MYO3B: variants seen among roughly 807,000 people sequenced by gnomAD.
The protein encoded by MYO3B is myosin-IIIb.
MYO3B carries 156 observed loss-of-function variants against 174.6 expected under a neutral mutation model. The ratio of observed to expected loss-of-function variants is 0.89; its 90% CI spans 0.78 to 1.02. MYO3B has a LOEUF of 1.02. Among genes scored for constraint, MYO3B ranks in the 50% least tolerant of loss-of-function variants. The pLI is 0.00. For synonymous variants in MYO3B, 563 were observed against 569.1 expected (o/e 0.99, Z 0.15); for missense variants, 1,632 against 1,639.4 (o/e 1.00, Z 0.08).
At chr2:170,507,291 C>T (rs1687673746) in intron 28 of MYO3B, among the ~76,000 whole-genome samples, 1 of 152,196 alleles carries the variant, frequency 6.6e-6, no homozygotes, top group Non-Finnish European at 1.5e-5. Context: ...TAACACAAGA[C>T]AGGATGCCCT....
chr2:170,506,821 T>G (rs1198381645), intron 28 of MYO3B, among the ~76,000 whole-genome samples: 3 of 152,202 alleles, frequency 2.0e-5, no homozygotes, highest in African/African-American at 7.2e-5. Context: ...ATAAGTAGAT[T>G]GTTGATCCCA....
chr2:170,340,761 T>G (rs942064318), intron 8 of MYO3B: 3 of 152,176 alleles, frequency 2.0e-5, no homozygotes, highest in African/African-American at 7.2e-5. Context: ...GCAGGTCACC[T>G]GTCACATGAG....
chr2:170,496,251 G>A (rs1184355949), intron 25 of MYO3B, among the ~76,000 whole-genome samples: 1 of 152,180 alleles, frequency 6.6e-6, no homozygotes, highest in Non-Finnish European at 1.5e-5. Context: ...TAATTCTGTA[G>A]CAGGAAGATA....
intron 32 of MYO3B, among the ~76,000 whole-genome samples, chr2:170,619,130 C>G (rs538739615): frequency 6.6e-6 from 1 of 152,198 alleles, no homozygotes. Flanking sequence ...GAGGGCGTTT[C>G]TAGCCCTATC....
chr2:170,502,233 C>T (rs1224729856), intron 28 of MYO3B, among the ~76,000 whole-genome samples: 2 of 152,204 alleles, frequency 1.3e-5, no homozygotes, highest in African/African-American at 4.8e-5. Flanking sequence ...GCATCGCATA[C>T]TGCCACCTGA....
At chr2:170,447,677 A>C (rs549729489) in intron 23 of MYO3B, among the ~76,000 whole-genome samples, 30 of 152,354 alleles carry the variant, frequency 2.0e-4, no homozygotes, top group Admixed American at 5.9e-4. Flanking sequence ...AGACAGAGCC[A>C]ATTGATCAAG....
At position 170,231,213 on chromosome 2, in the gene MYO3B, A is replaced by G. The variant is rs576763435; in HGVS notation, c.604-4778A>G. 5.9e-5 allele frequency among the ~76,000 whole-genome samples: 9 copies of G among 152,340 alleles called. No homozygotes were observed. The East Asian group carries it at 1.7e-3, about 29-fold the overall frequency. ...GGGGTAGGAGGGAGTGACTGGGGGT[A>G]GATTTAAGGAGTCTGGATCTGTGAA... On this transcript the variant is annotated intron_variant, in intron 6 of 34. Transcript: ENST00000408978.
At position 170,229,835 on chromosome 2, in the gene MYO3B, C is replaced by T. The variant is rs1235729940; in HGVS notation, c.604-6156C>T. On this transcript the variant is annotated intron_variant, in intron 6 of 34. Transcript: ENST00000408978. ...GCTGTAAGCTCAGGTTCTTATACAC[C>T]AAGTCTTTGTGCAAGAGAGGGTGGA... is the stretch of plus-strand genomic sequence containing the variant. Among the ~76,000 whole-genome samples the T allele has an allele frequency of 3.9e-5, 6 of 152,138 alleles. No homozygotes were observed. In the East Asian group the frequency reaches 1.2e-3, roughly 29 times the overall value.
intron 6 of MYO3B, among the ~76,000 whole-genome samples, chr2:170,220,866 T>G (rs539652895): frequency 6.6e-6 from 1 of 152,282 alleles, no homozygotes; most frequent in East Asian, 1.9e-4. Flanking sequence ...TCAGGATGTG[T>G]GATTGTGTCC....
chr2:170,608,633 T>C (rs954282370), intron 32 of MYO3B, among the ~76,000 whole-genome samples: 1 of 150,992 alleles, frequency 6.6e-6, no homozygotes, highest in East Asian at 1.9e-4. Context: ...TTGCTCGTGG[T>C]CCCAGTATGC....
intron 22 of MYO3B, among the ~76,000 whole-genome samples, chr2:170,426,845 C>A (rs1057414688): frequency 2.0e-5 from 3 of 151,720 alleles, no homozygotes; most frequent in African/African-American, 7.3e-5. Flanking sequence ...TAGTGAAACC[C>A]CGTCTCTACT....
chr2:170,433,678 C>T (rs977777807), intron 22 of MYO3B, among the ~76,000 whole-genome samples: 1 of 152,154 alleles, frequency 6.6e-6, no homozygotes, highest in African/African-American at 2.4e-5. Flanking sequence ...TCTTCTTTTT[C>T]GGGCCTTCCC....
intron 32 of MYO3B, among the ~76,000 whole-genome samples, chr2:170,605,202 C>T (rs1190987800): frequency 1.3e-5 from 2 of 152,182 alleles, no homozygotes; most frequent in East Asian, 3.8e-4. Flanking sequence ...TTAAACCACT[C>T]TCTTCTCAGC....
At chr2:170,459,347 A>G (rs1460618018) in intron 23 of MYO3B, among the ~76,000 whole-genome samples, 4 of 152,186 alleles carry the variant, frequency 2.6e-5, no homozygotes, top group Admixed American at 1.3e-4. Context: ...TGGTGGGTTT[A>G]CAAACCTTGA....
At chr2:170,373,916 A>G (rs147280469) in intron 9 of MYO3B, among the ~76,000 whole-genome samples, 85 of 152,210 alleles carry the variant, frequency 5.6e-4, no homozygotes, top group African/African-American at 1.9e-3. Context: ...GATATTCACT[A>G]TGAGGAATAT....
chr2:170,217,374 C>G lies in MYO3B; in HGVS notation c.582C>G (p.Thr194=), dbSNP rs2092841842. Residue 194 remains threonine (T), a synonymous_variant, in exon 6 of 35, where the codon ACC becomes ACG. Transcript: ENST00000408978. ...TGCGGAGAAACACATCTGTTGGCAC[C>G]CCGTTCTGGATGGCCCCTGAGGTAA... ...TRLRRNTSVG[T]PFWMAPEVIA... The G allele has an allele frequency of 1.2e-6, 2 of 1,614,030 alleles. No individual in the cohort carries two copies. The highest frequency in any genetic ancestry group is 1.7e-6 in the Non-Finnish European group (2 of 1,179,884).
At chr2:170,424,911 TC>T (rs2094648828) in intron 22 of MYO3B, among the ~76,000 whole-genome samples, 1 of 152,258 alleles carries the variant, frequency 6.6e-6, no homozygotes, top group Non-Finnish European at 1.5e-5. Context: ...TCTGCCAGCA[TC>T]CTTCTCATTC....
At chr2:170,478,082 T>G (rs1004865081) in intron 25 of MYO3B, among the ~76,000 whole-genome samples, 3 of 152,168 alleles carry the variant, frequency 2.0e-5, no homozygotes, top group Non-Finnish European at 2.9e-5. Flanking sequence ...TCTCTACTAT[T>G]TTTTATCAGG....
Position 170,652,145 on chromosome 2 carries a change from GA to G in MYO3B, c.3882del (p.Lys1294AsnfsTer138). The G allele has an allele frequency of 1.2e-6, 2 of 1,614,014 alleles. No individual in the cohort carries two copies. Among genetic ancestry groups the G allele is most frequent in the Non-Finnish European group, 1.7e-6 (2 of 1,179,930 alleles). ...LEYQGSKRKP[R>X]KLGQIKVLDG... is the part of the protein sequence containing the mutation. ...TATCAAGGGAGCAAGAGGAAGCCAA[GA>G]AAACTTGGGTAAATATCTGTCTTCT... On this transcript the variant is annotated frameshift_variant, in exon 34 of 35. Transcript: ENST00000408978. LOFTEE classifies it high-confidence loss of function.
Sources: allele counts gnomAD v4.1 joint callset (sites outside exome capture counted in the v4.1 genomes callset), GRCh38; gene constraint gnomAD v4.1.1; transcripts MANE v1.5; gene names NCBI Gene and HGNC (gene_info 2026-07-23, HGNC 2026-07-21).